SPTBN1: variants seen among roughly 807,000 people sequenced by gnomAD.
SPTBN1 encodes spectrin beta chain, non-erythrocytic 1.
SPTBN1 carries 32 observed loss-of-function variants against 266.4 expected under a neutral mutation model. That is an observed-to-expected ratio of 0.12 (90% CI 0.09 to 0.16). The LOEUF (loss-of-function observed/expected upper bound fraction) is 0.16, where lower values mean the gene tolerates loss of function less well. Ranked by LOEUF, SPTBN1 falls within the 10% of genes least tolerant of loss-of-function variation. The pLI, the probability that SPTBN1 is intolerant of heterozygous loss-of-function variation, is 1.00. For missense variants in SPTBN1, 2,296 were observed against 3,067.1 expected (o/e 0.75, Z 5.94); for synonymous variants, 1,336 against 1,162.2 (o/e 1.15, Z -3.04).
chr2:54,659,290 C>G, intron 31 of SPTBN1, 24 bp downstream of exon 31: 1 of 1,611,942 alleles, frequency 6.2e-7, no homozygotes, highest in Non-Finnish European at 8.5e-7. Flanking sequence ...GCTCCAGAGG[C>G]TGGACCCTTA....
chr2:54,639,373 G>C (rs986130980), intron 18 of SPTBN1, among the ~76,000 whole-genome samples: 1 of 152,162 alleles, frequency 6.6e-6, no homozygotes, highest in African/African-American at 2.4e-5. Flanking sequence ...GTGACTCCCT[G>C]TAACCTCAGC....
chr2:54,503,767 T>C (rs1669401474), intron 1 of SPTBN1, among the ~76,000 whole-genome samples: 1 of 152,208 alleles, frequency 6.6e-6, no homozygotes, highest in Non-Finnish European at 1.5e-5. Flanking sequence ...TATTCATCCC[T>C]CAGTAGCTGA....
intron 2 of SPTBN1, among the ~76,000 whole-genome samples, chr2:54,598,822 G>T (rs919254265): frequency 6.6e-6 from 1 of 152,176 alleles, no homozygotes; most frequent in Middle Eastern, 3.2e-3. Flanking sequence ...CATGTTTAAG[G>T]ACTGGACAGT....
At chr2:54,465,677 A>G (rs1488064756) in intron 1 of SPTBN1, among the ~76,000 whole-genome samples, 2 of 100,222 alleles carry the variant, frequency 2.0e-5, no homozygotes, top group Non-Finnish European at 4.1e-5. Context: ...TATCTCACAC[A>G]TGGGAGAGAG....
chr2:54,549,115 C>T (rs1672417565), intron 2 of SPTBN1, among the ~76,000 whole-genome samples: 1 of 151,924 alleles, frequency 6.6e-6, no homozygotes. Context: ...TGTGGTGAAA[C>T]CCCATCTGTA....
At chr2:54,464,394 A>T (rs1008317450) in intron 1 of SPTBN1, among the ~76,000 whole-genome samples, 6 of 152,212 alleles carry the variant, frequency 3.9e-5, no homozygotes, top group African/African-American at 1.4e-4. Flanking sequence ...CCGGTAATAC[A>T]GGGGTTAGTG....
In SPTBN1 at chr2:54,628,033, A is replaced by G. The variant is rs1470811857; in HGVS notation, c.1645-64A>G. ...TTGCTGGCTCTCTGCTTGTCGAAAG[A>G]TGATGTGATGCTGAAGTCAAGGCTA... is the stretch of plus-strand genomic sequence containing the variant. On this transcript the variant is annotated intron_variant, in intron 12 of 35. Transcript: ENST00000356805. The surrounding 1 kb of genome is among the most constrained non-coding windows in gnomAD (Gnocchi z 4.3). 3.3e-6 allele frequency: 5 copies of G among 1,533,958 alleles called. No individual in the cohort carries two copies. Among genetic ancestry groups the G allele is most frequent in the East Asian group, 4.7e-5 (2 of 42,312 alleles).
chr2:54,483,725 G>A (rs531581423), intron 1 of SPTBN1, among the ~76,000 whole-genome samples: 1 of 152,346 alleles, frequency 6.6e-6, no homozygotes, highest in South Asian at 2.1e-4. Context: ...GGGTGATTTA[G>A]GGGTGTGACC....
rs1021689122 is a variant in SPTBN1 at position 54,670,396 on chromosome 2, A to G, written c.*1827A>G. 3.4e-6 allele frequency: 1 copy of G among 296,520 alleles called. No individual in the cohort carries two copies. The highest frequency in any genetic ancestry group is 6.2e-6 in the Non-Finnish European group (1 of 161,660). 18.4% of individuals were successfully genotyped at this position (296,520 alleles called of 1,614,324 possible). A position where few individuals can be genotyped will look rare whatever the true frequency, so the allele number is the denominator to read the frequency against. On this transcript the variant is annotated 3_prime_UTR_variant, in exon 36 of 36. Coordinates refer to ENST00000356805, the MANE Select transcript of SPTBN1 (RefSeq NM_003128.3). Reference sequence around the variant, plus strand: ...TTATGGATGTCCAGTAAGTTATTCCACAAAGACCATGCCTAAGGTGGCATC... The same window carrying G: ...TTATGGATGTCCAGTAAGTTATTCCGCAAAGACCATGCCTAAGGTGGCATC...
chr2:54,627,768 C>A (rs13408295), intron 12 of SPTBN1, among the ~76,000 whole-genome samples: 1 of 146,250 alleles, frequency 6.8e-6, no homozygotes, highest in South Asian at 2.1e-4. Flanking sequence ...CCCCCGCCCA[C>A]GCTCCCCACT....
intron 7 of SPTBN1, 21 bp downstream of exon 7, chr2:54,618,214 A>G: frequency 6.2e-7 from 1 of 1,603,244 alleles, no homozygotes; most frequent in Non-Finnish European, 8.5e-7. Flanking sequence ...AAGGGATTAC[A>G]GGTGGGATTT....
At chr2:54,623,701 C>G in intron 10 of SPTBN1, 105 bp downstream of exon 10, 1 of 885,604 alleles carries the variant, frequency 1.1e-6, no homozygotes, top group South Asian at 1.8e-5. Context: ...AGGGGCTGTC[C>G]CCACCTGCCG....
At chr2:54,557,866 G>T in intron 2 of SPTBN1, 2 of 985,434 alleles carry the variant, frequency 2.0e-6, no homozygotes, top group Non-Finnish European at 2.4e-6. Flanking sequence ...AGCGCCCTGA[G>T]AGTGACTTTG....
At chr2:54,486,315 G>T (rs1437946639) in intron 1 of SPTBN1, among the ~76,000 whole-genome samples, 1 of 152,100 alleles carries the variant, frequency 6.6e-6, no homozygotes, top group Non-Finnish European at 1.5e-5. Context: ...GAAATCGGAT[G>T]GTTGCCGTGT....
At chr2:54,590,962 A>G (rs1157163935) in intron 2 of SPTBN1, among the ~76,000 whole-genome samples, 1 of 152,236 alleles carries the variant, frequency 6.6e-6, no homozygotes, top group Non-Finnish European at 1.5e-5. Context: ...TAGAATGCGG[A>G]GAGAGGCCCA....
In SPTBN1 at chr2:54,640,262, G is replaced by A. The variant is rs17046065; in HGVS notation, c.3858+2459G>A. Among the ~76,000 whole-genome samples the A allele has an allele frequency of 5.6e-3, 847 of 152,224 alleles. 6 individuals are homozygous for A. Among genetic ancestry groups the A allele is most frequent in the African/African-American group, 0.019 (796 of 41,518 alleles). On this transcript the variant is annotated intron_variant, in intron 18 of 35. Transcript: ENST00000356805. ...GGTAGATATTTACAGAGCACTCAGA[G>A]GTCAAATTTAATACTATTACAGGAT... is the stretch of plus-strand genomic sequence containing the variant.
chr2:54,629,648 G>T lies in SPTBN1; in HGVS notation c.2514G>T (p.Thr838=). Residue 838 remains threonine, a synonymous_variant, in exon 14 of 36, where the codon ACG becomes ACT. Transcript: ENST00000356805. ...EERYKEVAEL[T]RLRKQALQDT... Reference sequence around the variant, plus strand: ...GGTATAAGGAGGTGGCAGAGCTGACGCGGCTGCGGAAGCAGGCACTCCAGG... The same window carrying T: ...GGTATAAGGAGGTGGCAGAGCTGACTCGGCTGCGGAAGCAGGCACTCCAGG... 1 of 1,613,882 alleles carries T rather than the reference G, an allele frequency of 6.2e-7. No individual in the cohort carries two copies. The highest frequency in any genetic ancestry group is 8.5e-7 in the Non-Finnish European group (1 of 1,179,952).
At chr2:54,620,066 A>G (rs552474003) in intron 7 of SPTBN1, among the ~76,000 whole-genome samples, 1 of 152,222 alleles carries the variant, frequency 6.6e-6, no homozygotes, top group South Asian at 2.1e-4. Flanking sequence ...CCGAACTTCA[A>G]AGACTTGCCA....
At chr2:54,590,268 G>T (rs1027059273) in intron 2 of SPTBN1, among the ~76,000 whole-genome samples, 7 of 152,146 alleles carry the variant, frequency 4.6e-5, no homozygotes, top group African/African-American at 1.4e-4. Context: ...TATATTTTTA[G>T]TGCTATACAA....
Sources: allele counts gnomAD v4.1 joint callset (sites outside exome capture counted in the v4.1 genomes callset), GRCh38; gene constraint gnomAD v4.1.1; non-coding constraint Gnocchi (gnomAD v3.1); transcripts MANE v1.5; gene names NCBI Gene and HGNC (gene_info 2026-07-23, HGNC 2026-07-21).